Variants in VAMP1 observed in about 807,000 individuals in gnomAD.
VAMP1 encodes the protein vesicle-associated membrane protein 1.
A neutral mutation model predicts 19.1 loss-of-function variants in VAMP1; 16 were observed. The observed-to-expected ratio is 0.84, with a 90% confidence interval of 0.57 to 1.27. VAMP1 has a LOEUF of 1.27. Ranked by LOEUF, VAMP1 falls within the 50% of genes most tolerant of loss-of-function variation. VAMP1 has a pLI of 0.00. For synonymous variants in VAMP1, 37 were observed against 50.2 expected (o/e 0.74, Z 1.11); for missense variants, 109 against 145.4 (o/e 0.75, Z 1.29).
chr12:6,469,962 T>C (rs1202718865), intron 1 of VAMP1, among the ~76,000 whole-genome samples: 1 of 152,170 alleles, frequency 6.6e-6, no homozygotes, highest in Non-Finnish European at 1.5e-5. Context: ...CACTACCCCT[T>C]GAGTCTTTCT....
intron 1 of VAMP1, among the ~76,000 whole-genome samples, chr12:6,467,545 G>A (rs760573941): frequency 6.6e-6 from 1 of 152,186 alleles, no homozygotes; most frequent in Non-Finnish European, 1.5e-5. Context: ...GTATCTGGCA[G>A]AAGAAAAGAC....
Position 6,466,259 on chromosome 12 carries a change from C to T in VAMP1, c.95G>A (p.Arg32Lys). The change falls in exon 2 of 5, where the codon AGA becomes AAA. Residue 32 changes from arginine to lysine, a missense_variant. Physicochemically the swap from Arg to Lys is conservative, Grantham distance 26. Transcript: ENST00000396308. ...PGPPPNMTSN[R>K]RLQQTQAQVE... ...TTGTGCCTGGGTTTGCTGTAGTCGT[C>T]TGTTACTGGTCATGTTAGGAGGAGG... 1 of 1,614,208 alleles carries T rather than the reference C, an allele frequency of 6.2e-7. No individual in the cohort carries two copies. The highest frequency in any genetic ancestry group is 8.5e-7 in the Non-Finnish European group (1 of 1,180,038).
Position 6,463,161 on chromosome 12 carries a change from C to T in VAMP1, c.*1309G>A, listed in dbSNP as rs1949925214. ...CCACTGTCTATACACACAAACCATG[C>T]AAAGAGGAGGAAGAGAAAGGAGGCA... On this transcript the variant is annotated 3_prime_UTR_variant, in exon 5 of 5. Transcript: ENST00000396308. The surrounding 1 kb of genome is among the most constrained non-coding windows in gnomAD (Gnocchi z 4.0). 1 of 1,444,772 alleles carries T rather than the reference C, an allele frequency of 6.9e-7. No individual in the cohort carries two copies. The highest frequency in any genetic ancestry group is 2.5e-4 in the Middle Eastern group (1 of 3,924). The allele number at this position is 1,444,772 out of a possible 1,614,324, so 89.5% of individuals were successfully genotyped here.
In VAMP1 at chr12:6,470,575, G is replaced by T. The variant is rs1172395089; in HGVS notation, c.-44C>A. The T allele has an allele frequency of 6.2e-7, 1 of 1,613,534 alleles. No homozygotes were observed. On this transcript the variant is annotated 5_prime_UTR_variant, in exon 1 of 5. Transcript: ENST00000396308. The stretch of plus-strand genomic sequence containing the variant: ...GAGGGTCTGTTCCTCTCCGGAGGCT[G>T]CGGCGAGACACCCGGTGAGGGACGC...
Position 6,470,588 on chromosome 12 carries a change from C to G in VAMP1, c.-57G>C. 2 of 1,610,022 alleles carry G rather than the reference C, an allele frequency of 1.2e-6. No individual in the cohort carries two copies. Among genetic ancestry groups the G allele is most frequent in the Admixed American group, 1.7e-5 (1 of 59,860 alleles). ...TCTCCGGAGGCTGCGGCGAGACACC[C>G]GGTGAGGGACGCTGCGGCTGAAGTG... On this transcript the variant is annotated 5_prime_UTR_variant, in exon 1 of 5. Coordinates refer to ENST00000396308, the MANE Select transcript of VAMP1 (RefSeq NM_014231.5).
At position 6,470,665 on chromosome 12, in the gene VAMP1, G is replaced by A. The variant is rs1252732289; in HGVS notation, c.-134C>T. 2 of 1,187,490 alleles carry A rather than the reference G, an allele frequency of 1.7e-6. No homozygotes were observed. The highest frequency in any genetic ancestry group is 2.6e-5 in the South Asian group (2 of 78,378). 73.6% of individuals were successfully genotyped at this position (1,187,490 alleles called of 1,614,324 possible). ...GCCGACTACCCCGCGGTCTAGCTGCGCTGGAACTTACTGCAGCTGCCGCGC... is the reference window on the plus strand; with the variant it reads ...GCCGACTACCCCGCGGTCTAGCTGCACTGGAACTTACTGCAGCTGCCGCGC... On this transcript the variant is annotated 5_prime_UTR_variant, in exon 1 of 5. Coordinates refer to ENST00000396308, the MANE Select transcript of VAMP1 (RefSeq NM_014231.5).
At position 6,462,427 on chromosome 12, in the gene VAMP1, C is replaced by A. The variant is rs532404500; in HGVS notation, c.*2043G>T. 1.5e-4 allele frequency: 71 copies of A among 486,900 alleles called. No homozygotes were observed. Among genetic ancestry groups the A allele is most frequent in the Non-Finnish European group, 2.2e-4 (61 of 273,658 alleles). 30.2% of individuals were successfully genotyped at this position (486,900 alleles called of 1,614,324 possible). On this transcript the variant is annotated 3_prime_UTR_variant, in exon 5 of 5. Coordinates refer to ENST00000396308, the MANE Select transcript of VAMP1 (RefSeq NM_014231.5). ...AACCCCACATCGTCTCATGGCAAACCGAAGAACGGGATGTGGGAAGCTCAG... is the reference window on the plus strand; with the variant it reads ...AACCCCACATCGTCTCATGGCAAACAGAAGAACGGGATGTGGGAAGCTCAG...
intron 3 of VAMP1, chr12:6,465,194 G>A (rs538256036): frequency 1.8e-5 from 9 of 511,910 alleles, no homozygotes; most frequent in Non-Finnish European, 3.2e-5. Flanking sequence ...AGTTCCTGGT[G>A]TCTTGGGGCT....
At chr12:6,466,603 A>C in intron 1 of VAMP1, 3 of 316,138 alleles carry the variant, frequency 9.5e-6, no homozygotes, top group Admixed American at 4.8e-5. Flanking sequence ...CAAAACTAGA[A>C]TGGATTCTTG....
Position 6,464,914 on chromosome 12 carries a change from C to A in VAMP1, c.316G>T (p.Ala106Ser). 6.2e-7 allele frequency: 1 copy of A among 1,613,998 alleles called. No individual in the cohort carries two copies. The highest frequency in any genetic ancestry group is 8.5e-7 in the Non-Finnish European group (1 of 1,179,994). ...CTTACAATAACTACCACGATGATGGCACAGATGGCTCCCAGCATGATCATC... is the reference window on the plus strand; with the variant it reads ...CTTACAATAACTACCACGATGATGGAACAGATGGCTCCCAGCATGATCATC... ...KMMIMLGAIC[A>S]IIVVVIVIYF... is the part of the protein sequence containing the mutation. Residue 106 changes from alanine (A) to serine (S), a missense_variant, in exon 4 of 5, where the codon GCC (alanine) becomes TCC (serine). Physicochemically the swap from Ala to Ser is moderately conservative, Grantham distance 99. Coordinates refer to ENST00000396308, the MANE Select transcript of VAMP1 (RefSeq NM_014231.5).
At position 6,463,317 on chromosome 12, in the gene VAMP1, G is replaced by T. The variant is rs1032963451; in HGVS notation, c.*1153C>A. ...AAGCACACCTGACACAGGCTGGCACGCCTCCCCCCAAGGTGGGGCTGGTGG... is the reference window on the plus strand; with the variant it reads ...AAGCACACCTGACACAGGCTGGCACTCCTCCCCCCAAGGTGGGGCTGGTGG... On this transcript the variant is annotated 3_prime_UTR_variant, in exon 5 of 5. Coordinates refer to ENST00000396308, the MANE Select transcript of VAMP1 (RefSeq NM_014231.5). The surrounding 1 kb of genome is among the most constrained non-coding windows in gnomAD (Gnocchi z 4.0). The T allele has an allele frequency of 8.4e-7, 1 of 1,194,934 alleles. No individual in the cohort carries two copies. The highest frequency in any genetic ancestry group is 4.2e-5 in the Admixed American group (1 of 23,990). The allele number at this position is 1,194,934 out of a possible 1,614,324, so 74.0% of individuals were successfully genotyped here.
rs1367501342 is a variant in VAMP1, at chr12:6,463,141, G to A, written c.*1329C>T. On this transcript the variant is annotated 3_prime_UTR_variant, in exon 5 of 5. Transcript: ENST00000396308. This position sits in a 1 kb window ranked among gnomAD's most constrained non-coding sequence, Gnocchi z 4.0. Reference sequence around the variant, plus strand: ...GCAGATCCCATCCTCAGGTTCCACTGTCTATACACACAAACCATGCAAAGA... The same window carrying A: ...GCAGATCCCATCCTCAGGTTCCACTATCTATACACACAAACCATGCAAAGA... 15 of 1,472,616 alleles carry A rather than the reference G, an allele frequency of 1.0e-5. No homozygotes were observed. In the East Asian group the frequency reaches 2.0e-4, roughly 19 times the overall value. 91.2% of individuals were successfully genotyped at this position (1,472,616 alleles called of 1,614,324 possible).
chr12:6,470,545 AGAGT>A lies in VAMP1; in HGVS notation c.-18_-15del, dbSNP rs576722265. The A allele has an allele frequency of 2.5e-4, 409 of 1,613,964 alleles. No individual in the cohort carries two copies. The African/African-American group carries it at 4.0e-3, about 16-fold the overall frequency. ...GTCAACTCACATTTTTCTGACAGAG[AGAGT>A]GAGGGTCTGTTCCTCTCCGGAGGCT... On this transcript the variant is annotated 5_prime_UTR_variant, in exon 1 of 5. Transcript: ENST00000396308.
chr12:6,464,852 C>T (rs1949965204), intron 4 of VAMP1, 38 bp downstream of exon 4: 1 of 1,613,636 alleles, frequency 6.2e-7, no homozygotes, highest in Non-Finnish European at 8.5e-7. Flanking sequence ...AGGACCTTCC[C>T]ACCTCTTCAC....
chr12:6,463,115 A>G lies in VAMP1; in HGVS notation c.*1355T>C. On this transcript the variant is annotated 3_prime_UTR_variant, in exon 5 of 5. Transcript: ENST00000396308. This position sits in a 1 kb window ranked among gnomAD's most constrained non-coding sequence, Gnocchi z 4.0. The stretch of plus-strand genomic sequence containing the variant: ...CAGCAATTGCCCCGAAGATAGGCTG[A>G]GCAGATCCCATCCTCAGGTTCCACT... 1 of 1,501,514 alleles carries G rather than the reference A, an allele frequency of 6.7e-7. No homozygotes were observed. The highest frequency in any genetic ancestry group is 8.9e-7 in the Non-Finnish European group (1 of 1,128,574). 93.0% of individuals were successfully genotyped at this position (1,501,514 alleles called of 1,614,324 possible).
rs1016647499 is a variant in VAMP1, at chr12:6,467,317, T to A, written c.3-966A>T. Among the ~76,000 whole-genome samples the A allele has an allele frequency of 2.0e-4, 30 of 152,268 alleles. 1 individual carries two copies. Among genetic ancestry groups the A allele is most frequent in the African/African-American group, 6.7e-4 (28 of 41,562 alleles). On this transcript the variant is annotated intron_variant, in intron 1 of 4. Transcript: ENST00000396308. ...AGAAGACAGGAAAATGCGGGAAAGT[T>A]TGGAACCTCCTAGAGACTTGTTGAA...
Position 6,463,507 on chromosome 12 carries a change from A to G in VAMP1, c.*963T>C, listed in dbSNP as rs1288133751. ...CCCTCACGCTCCTTCATCAACAGGAAGAGAGGAACAGGACCCTCTTTAACG... is the reference window on the plus strand; with the variant it reads ...CCCTCACGCTCCTTCATCAACAGGAGGAGAGGAACAGGACCCTCTTTAACG... On this transcript the variant is annotated 3_prime_UTR_variant, in exon 5 of 5. Transcript: ENST00000396308. This position sits in a 1 kb window ranked among gnomAD's most constrained non-coding sequence, Gnocchi z 4.0. The G allele has an allele frequency of 9.6e-7, 1 of 1,039,542 alleles. No individual in the cohort carries two copies. Among genetic ancestry groups the G allele is most frequent in the African/African-American group, 1.7e-5 (1 of 57,982 alleles). The allele number at this position is 1,039,542 out of a possible 1,614,324, so 64.4% of individuals were successfully genotyped here.
chr12:6,470,417 T>A, intron 1 of VAMP1, 113 bp downstream of exon 1: 2 of 1,506,258 alleles, frequency 1.3e-6, no homozygotes, highest in Non-Finnish European at 1.8e-6. Flanking sequence ...GCGGTGGTAG[T>A]TCCCCGCGTT....
chr12:6,467,718 G>A (rs904844783), intron 1 of VAMP1, among the ~76,000 whole-genome samples: 2 of 152,226 alleles, frequency 1.3e-5, no homozygotes, highest in African/African-American at 4.8e-5. Flanking sequence ...TCACAGGCCT[G>A]GAGGCCCAGG....
Sources: gnomAD v4.1 joint callset for allele counts (sites outside exome capture counted in the v4.1 genomes callset) on GRCh38, gnomAD v4.1.1 for gene constraint, Gnocchi (gnomAD v3.1) non-coding constraint, MANE v1.5 for transcripts, NCBI Gene and HGNC (gene_info 2026-07-23, HGNC 2026-07-21) for gene names.